MKLN1: variants seen among roughly 807,000 people sequenced by gnomAD.
MKLN1 encodes muskelin.
MKLN1 carries 18 observed loss-of-function variants against 99.0 expected under a neutral mutation model. That is an observed-to-expected ratio of 0.18 (90% CI 0.13 to 0.27). The LOEUF is 0.27. MKLN1 is among the 10% of genes least tolerant of loss of function. The probability of loss-of-function intolerance (pLI) is 1.00; values close to 1 mark genes in which losing one functional copy is unlikely to be tolerated. For synonymous variants in MKLN1, 288 were observed against 293.2 expected, an observed-to-expected ratio of 0.98 and a Z score of 0.18; for missense variants, 621 against 875.9, an observed-to-expected ratio of 0.71 and a Z score of 3.67.
At position 131,487,823 on chromosome 7, in the gene MKLN1, T is replaced by C; in HGVS notation, c.*95T>C. The C allele has an allele frequency of 7.1e-7, 1 of 1,415,932 alleles. No individual in the cohort carries two copies. Among genetic ancestry groups the C allele is most frequent in the South Asian group, 1.3e-5 (1 of 76,194 alleles). 87.7% of individuals were successfully genotyped at this position (1,415,932 alleles called of 1,614,324 possible). A position where few individuals can be genotyped will look rare whatever the true frequency, so the allele number is the denominator to read the frequency against. On this transcript the variant is annotated 3_prime_UTR_variant, in exon 18 of 18. Transcript: ENST00000352689. The surrounding 1 kb of genome is among the most constrained non-coding windows in gnomAD (Gnocchi z 4.7). ...TGACTGACAGTAAAGCTGCAGTGAT[T>C]GAGGACTGCACCAGAGTTCTGAAGG...
rs1797401368 is a variant in MKLN1 at position 131,490,691 on chromosome 7, A to T, written c.*2963A>T. On this transcript the variant is annotated 3_prime_UTR_variant, in exon 18 of 18. Transcript: ENST00000352689. ...AACTGATAGAATACATTAAAAAGTC[A>T]CTGGTTTATCATAGAAAAGTTTGAT... The T allele has an allele frequency of 6.6e-6, 1 of 152,592 alleles. No homozygotes were observed. The highest frequency in any genetic ancestry group is 2.4e-5 in the African/African-American group (1 of 41,450). 9.5% of individuals were successfully genotyped at this position (152,592 alleles called of 1,614,324 possible).
intron 2 of MKLN1, among the ~76,000 whole-genome samples, chr7:131,190,341 T>C (rs1796516205): frequency 6.6e-6 from 1 of 151,976 alleles, no homozygotes. Flanking sequence ...CTCTCAGACC[T>C]ACCTTGGCAT....
At chr7:131,455,875 G>A (rs1324296099) in intron 12 of MKLN1, among the ~76,000 whole-genome samples, 3 of 151,958 alleles carry the variant, frequency 2.0e-5, no homozygotes, top group East Asian at 1.9e-4. Context: ...GTGAAACCCC[G>A]GCTGTACTAA....
At chr7:131,148,007 T>C (rs935406409) in intron 2 of MKLN1, among the ~76,000 whole-genome samples, 1 of 152,194 alleles carries the variant, frequency 6.6e-6, no homozygotes, top group Non-Finnish European at 1.5e-5. Context: ...AGATTTTCTA[T>C]GTTTTAGGTA....
At chr7:131,422,520 C>G (rs939645093) in intron 8 of MKLN1, among the ~76,000 whole-genome samples, 1 of 152,172 alleles carries the variant, frequency 6.6e-6, no homozygotes, top group African/African-American at 2.4e-5. Context: ...TGCCACTGCA[C>G]TCCAGTCCAG....
chr7:131,197,009 T>C (rs1376733260), intron 2 of MKLN1, among the ~76,000 whole-genome samples: 1 of 152,096 alleles, frequency 6.6e-6, no homozygotes, highest in African/African-American at 2.4e-5. Flanking sequence ...GCTGGACAGC[T>C]CCGAGTCTCC....
chr7:131,195,512 A>T (rs1451574996), intron 2 of MKLN1, among the ~76,000 whole-genome samples: 1 of 152,008 alleles, frequency 6.6e-6, no homozygotes, highest in East Asian at 1.9e-4. Context: ...CTGTCTAAAA[A>T]AAAAATAAAA....
At chr7:131,321,442 G>C (rs1393121848) in intron 3 of MKLN1, among the ~76,000 whole-genome samples, 2 of 152,114 alleles carry the variant, frequency 1.3e-5, no homozygotes, top group African/African-American at 4.8e-5. Flanking sequence ...CAAGGGAAGG[G>C]AGAACATTAG....
intron 9 of MKLN1, among the ~76,000 whole-genome samples, chr7:131,435,118 A>AT (rs1795639140): frequency 6.6e-6 from 1 of 152,120 alleles, no homozygotes; most frequent in Admixed American, 6.5e-5. Flanking sequence ...TATTGATGTA[A>AT]TTGTGTTTTT....
At chr7:131,454,479 A>C (rs1159282172) in intron 12 of MKLN1, among the ~76,000 whole-genome samples, 1 of 152,236 alleles carries the variant, frequency 6.6e-6, no homozygotes. Context: ...GCTAGTGCTT[A>C]ATAGGGCCCC....
chr7:131,341,689 C>A (rs940754097), intron 1 of MKLN1, among the ~76,000 whole-genome samples: 1 of 152,144 alleles, frequency 6.6e-6, no homozygotes, highest in African/African-American at 2.4e-5. Flanking sequence ...TGAAATTGTT[C>A]CATTTCAGAT....
chr7:131,327,157 A>T (rs530650433), upstream of MKLN1: 1 of 152,374 alleles, frequency 6.6e-6, no homozygotes, highest in African/African-American at 2.4e-5. Flanking sequence ...ATGTCAGTTC[A>T]AAGTGGGCAG....
At chr7:131,463,564 A>C (rs1454770299) in intron 13 of MKLN1, among the ~76,000 whole-genome samples, 200 bp downstream of exon 13, 1 of 152,204 alleles carries the variant, frequency 6.6e-6, no homozygotes, top group Non-Finnish European at 1.5e-5. Flanking sequence ...GTGTTTTTCA[A>C]GTAGTAGATG....
chr7:131,356,623 G>C (rs1420036303), intron 1 of MKLN1, among the ~76,000 whole-genome samples: 1 of 152,198 alleles, frequency 6.6e-6, no homozygotes, highest in African/African-American at 2.4e-5. Flanking sequence ...GCCCAAGGGA[G>C]ACAGGGGCAG....
intron 1 of MKLN1, among the ~76,000 whole-genome samples, chr7:131,360,962 G>A (rs1381676681): frequency 6.6e-6 from 1 of 152,008 alleles, no homozygotes; most frequent in Non-Finnish European, 1.5e-5. Flanking sequence ...GGCACTTCAA[G>A]TATTTCGTTC....
chr7:131,366,551 C>T (rs967113488), intron 1 of MKLN1, among the ~76,000 whole-genome samples: 4 of 152,128 alleles, frequency 2.6e-5, no homozygotes, highest in Admixed American at 1.3e-4. Flanking sequence ...TGGCTCATGC[C>T]TGTAATCCCA....
At chr7:131,218,356 A>G (rs1797014428) in intron 3 of MKLN1, among the ~76,000 whole-genome samples, 1 of 152,228 alleles carries the variant, frequency 6.6e-6, no homozygotes, top group Admixed American at 6.5e-5. Flanking sequence ...ATATCTTAGC[A>G]GAATTCAGAC....
intron 1 of MKLN1, among the ~76,000 whole-genome samples, chr7:131,351,389 G>A (rs572909417): frequency 6.6e-6 from 1 of 152,236 alleles, no homozygotes; most frequent in African/African-American, 2.4e-5. Context: ...TTCTATGGTG[G>A]CATTTGACTA....
chr7:131,118,951 C>T (rs998763607), intron 1 of MKLN1, among the ~76,000 whole-genome samples: 2 of 152,144 alleles, frequency 1.3e-5, no homozygotes, highest in African/African-American at 4.8e-5. Flanking sequence ...CATCCTGGCC[C>T]CTCCCACATT....
Sources: allele counts gnomAD v4.1 joint callset (sites outside exome capture counted in the v4.1 genomes callset), GRCh38; gene constraint gnomAD v4.1.1; non-coding constraint Gnocchi (gnomAD v3.1); transcripts MANE v1.5; gene names NCBI Gene and HGNC (gene_info 2026-07-23, HGNC 2026-07-21).